Variants in TIAM1 observed in about 807,000 individuals in gnomAD.
TIAM1 encodes rho guanine nucleotide exchange factor TIAM1.
Under a neutral mutation model 163.5 loss-of-function variants are expected in TIAM1, and 65 were observed. The ratio of observed to expected loss-of-function variants is 0.40; its 90% CI spans 0.33 to 0.49. The LOEUF (loss-of-function observed/expected upper bound fraction) is 0.49, where lower values mean the gene tolerates loss of function less well. Among genes scored for constraint, TIAM1 ranks in the 20% least tolerant of loss-of-function variants. The probability of loss-of-function intolerance (pLI) is 0.77; values close to 1 mark genes in which losing one functional copy is unlikely to be tolerated. For synonymous variants in TIAM1, 833 were observed against 810.1 expected (o/e 1.03, Z -0.48); for missense variants, 1,789 against 2,044.7 (o/e 0.87, Z 2.41).
chr21:31,301,091 C>A (rs1023188404), intron 2 of TIAM1, among the ~76,000 whole-genome samples: 1 of 152,298 alleles, frequency 6.6e-6, no homozygotes, highest in East Asian at 1.9e-4. Flanking sequence ...AAGATGTGAT[C>A]ACTTTTTGTT....
chr21:31,200,375 T>C (rs559832655), intron 12 of TIAM1, among the ~76,000 whole-genome samples: 1 of 152,244 alleles, frequency 6.6e-6, no homozygotes, highest in African/African-American at 2.4e-5. Flanking sequence ...TTTACAAACC[T>C]TAAACTGAAA....
chr21:31,350,095 C>G (rs1010716888), intron 2 of TIAM1, among the ~76,000 whole-genome samples: 1 of 152,170 alleles, frequency 6.6e-6, no homozygotes, highest in Non-Finnish European at 1.5e-5. Flanking sequence ...GCACTAGTTA[C>G]GTGTCAGATA....
chr21:31,419,100 T>C (rs1159066949), intron 2 of TIAM1, among the ~76,000 whole-genome samples: 1 of 152,160 alleles, frequency 6.6e-6, no homozygotes, highest in Non-Finnish European at 1.5e-5. Context: ...CCTGAGACCC[T>C]GGTAACTAAA....
chr21:31,464,973 G>A (rs993839882), intron 1 of TIAM1, among the ~76,000 whole-genome samples: 5 of 151,936 alleles, frequency 3.3e-5, no homozygotes, highest in Non-Finnish European at 7.4e-5. Flanking sequence ...TGGCACCGCC[G>A]CACTCCAGCT....
chr21:31,266,029 C>T lies in TIAM1; in HGVS notation c.944G>A (p.Arg315Lys), dbSNP rs1452564114. The T allele has an allele frequency of 1.2e-6, 2 of 1,613,878 alleles. No individual in the cohort carries two copies. The highest frequency in any genetic ancestry group is 2.2e-5 in the South Asian group (2 of 91,054). Residue 315 changes from arginine (R) to lysine (K), a missense_variant, in exon 4 of 28, where the codon AGA becomes AAA. This residue lies in a region of TIAM1 where 555 missense variants were observed against 564.9 expected (regional missense o/e 0.98). Coordinates refer to ENST00000541036, the MANE Select transcript of TIAM1 (RefSeq NM_001353694.2). ...CTTTACCTGAGTTGTTTTAGCTCTT[C>T]TGCCTTGCATGCTGTTGCTATGGCT... ...QISHSNSMQG[R>K]RAKTTQDVNA... is the part of the protein sequence containing the mutation.
chr21:31,130,762 G>A, intron 24 of TIAM1, 128 bp downstream of exon 24: 1 of 820,388 alleles, frequency 1.2e-6, no homozygotes, highest in East Asian at 2.6e-5. Context: ...AGCATCCTTA[G>A]CAATGCTTAA....
chr21:31,122,754 C>T (rs558492293), intron 27 of TIAM1, among the ~76,000 whole-genome samples: 1 of 152,164 alleles, frequency 6.6e-6, no homozygotes, highest in Non-Finnish European at 1.5e-5. Context: ...AATAAACTAC[C>T]TGAGTATTCA....
At position 31,489,376 on chromosome 21, in the gene TIAM1, GA is replaced by G. The variant is rs1569377453; in HGVS notation, c.-421-25342del. Among the ~76,000 whole-genome samples, 10 of 84,934 alleles carry G rather than the reference GA, an allele frequency of 1.2e-4. No homozygotes were observed. In the East Asian group the frequency reaches 2.2e-3, roughly 18 times the overall value. 55.7% of individuals were successfully genotyped at this position (84,934 alleles called of 152,430 possible). ...CAGACAAGGTTGGGGGGGAGAGGAGGAGGAGGAGGAGGAGAGGGAGGGGAGG... is the reference window on the plus strand; with the variant it reads ...CAGACAAGGTTGGGGGGGAGAGGAGGGGAGGAGGAGGAGAGGGAGGGGAGG... On this transcript the variant is annotated intron_variant, in intron 1 of 28. Coordinates refer to the TIAM1 transcript ENST00000286827.
At chr21:31,158,435 A>G (rs528440873) in intron 16 of TIAM1, among the ~76,000 whole-genome samples, 4 of 152,246 alleles carry the variant, frequency 2.6e-5, no homozygotes, top group African/African-American at 7.2e-5. Context: ...ACCCTACTCA[A>G]TGAATCAAGG....
chr21:31,181,213 C>A (rs1281725118), intron 15 of TIAM1, among the ~76,000 whole-genome samples: 1 of 152,104 alleles, frequency 6.6e-6, no homozygotes, highest in Admixed American at 6.5e-5. Flanking sequence ...TCTTGCTGAA[C>A]AAGAAAGGGC....
chr21:31,557,560 GGTTT>G (rs1166171683), intron 1 of TIAM1, among the ~76,000 whole-genome samples: 2 of 152,148 alleles, frequency 1.3e-5, no homozygotes, highest in Non-Finnish European at 2.9e-5. Context: ...CTGGAACCCG[GGTTT>G]GTTTGACCTC....
At chr21:31,337,471 G>A (rs1464545499) in intron 2 of TIAM1, among the ~76,000 whole-genome samples, 5 of 150,962 alleles carry the variant, frequency 3.3e-5, no homozygotes, top group South Asian at 4.2e-4. Context: ...ATGGACAGCC[G>A]GTGCTCCAAA....
At chr21:31,181,606 C>T (rs1348507736) in intron 15 of TIAM1, among the ~76,000 whole-genome samples, 1 of 151,844 alleles carries the variant, frequency 6.6e-6, no homozygotes. Context: ...CTCTGGGCCT[C>T]TCAGCATCTC....
intron 1 of TIAM1, among the ~76,000 whole-genome samples, chr21:31,464,447 AC>A (rs1319596219): frequency 1.3e-5 from 2 of 152,138 alleles, no homozygotes; most frequent in African/African-American, 2.4e-5. Context: ...AGTGGTTCAC[AC>A]CCTAATCCCA....
intron 1 of TIAM1, among the ~76,000 whole-genome samples, chr21:31,558,057 C>T (rs2048948393): frequency 6.6e-6 from 1 of 152,124 alleles, no homozygotes. Flanking sequence ...CTCCAGGTTT[C>T]GAGGGGGCAA....
At chr21:31,484,954 A>G (rs8127151) in intron 1 of TIAM1, among the ~76,000 whole-genome samples, 89,882 of 152,052 alleles carry the variant, frequency 0.59, 27,463 homozygotes, top group African/African-American at 0.71. Context: ...TCCACCATGT[A>G]AGGACTCAGT....
At chr21:31,179,546 GA>G (rs11444840) in intron 15 of TIAM1, among the ~76,000 whole-genome samples, 5,876 of 136,834 alleles carry the variant, frequency 0.043, 389 homozygotes, top group African/African-American at 0.14. Flanking sequence ...CCGCTTAATT[GA>G]AAAAAAAAAA....
At chr21:31,144,830 G>GAAAAAAAAAAAAAAAAAAAAAA (rs764835303) in intron 20 of TIAM1, among the ~76,000 whole-genome samples, 1 of 74,512 alleles carries the variant, frequency 1.3e-5, no homozygotes, top group African/African-American at 5.4e-5. Context: ...CTCCATCTCA[G>GAAAAAAAAAAAAAAAAAAAAAA]AAAAAAAAAA....
At chr21:31,330,432 G>A (rs889819152) in intron 2 of TIAM1, among the ~76,000 whole-genome samples, 7 of 151,576 alleles carry the variant, frequency 4.6e-5, no homozygotes, top group African/African-American at 1.7e-4. Context: ...TGTATTTTTT[G>A]TTTGTTTTTG....
Sources: gnomAD v4.1 joint callset for allele counts (sites outside exome capture counted in the v4.1 genomes callset) on GRCh38, gnomAD v4.1.1 for gene constraint, gnomAD v4.1.1 regional missense constraint, MANE v1.5 for transcripts, NCBI Gene and HGNC (gene_info 2026-07-23, HGNC 2026-07-21) for gene names.